The following EPHA6 variants were observed in gnomAD, a reference collection of about 807,000 sequenced individuals.
EPHA6 encodes EPH receptor A6.
Under a neutral mutation model 112.0 loss-of-function variants are expected in EPHA6, and 50 were observed. The observed-to-expected ratio is 0.45, with a 90% CI of 0.36 to 0.56. The LOEUF is 0.56. EPHA6 is among the 20% of genes least tolerant of loss of function. The pLI, the probability that EPHA6 is intolerant of heterozygous loss-of-function variation, is 0.00. For synonymous variants in EPHA6, 529 were observed against 490.7 expected (o/e 1.08, Z -1.03); for missense variants, 1,280 against 1,417.4 (o/e 0.90, Z 1.56).
At chr3:97,172,430 C>T (rs924933677) in intron 3 of EPHA6, among the ~76,000 whole-genome samples, 3 of 152,070 alleles carry the variant, frequency 2.0e-5, no homozygotes, top group African/African-American at 7.2e-5. Flanking sequence ...TCCCTTGCAA[C>T]TATTTCAGGA....
intron 11 of EPHA6, 40 bp from the exon 12 acceptor site, chr3:97,592,572 A>T: frequency 1.2e-6 from 2 of 1,609,916 alleles, no homozygotes; most frequent in Non-Finnish European, 1.7e-6. Flanking sequence ...CTTTTCCATA[A>T]AGAAGACTTT....
chr3:97,083,277 A>G (rs1244929367), intron 3 of EPHA6, among the ~76,000 whole-genome samples: 1 of 152,026 alleles, frequency 6.6e-6, no homozygotes, highest in Non-Finnish European at 1.5e-5. Context: ...CATCATAAGT[A>G]TTTCACAAAA....
intron 5 of EPHA6, among the ~76,000 whole-genome samples, chr3:97,321,896 G>A (rs78160129): frequency 0.044 from 6,643 of 152,090 alleles, 483 homozygotes; most frequent in Admixed American, 0.2. Flanking sequence ...AAAAGGCGGA[G>A]CTCTTTATTC....
intron 2 of EPHA6, among the ~76,000 whole-genome samples, chr3:96,890,590 AT>A (rs1324407739): frequency 6.6e-6 from 1 of 152,206 alleles, no homozygotes; most frequent in Non-Finnish European, 1.5e-5. Context: ...CAAAATTGTT[AT>A]CATGAATATA....
chr3:97,479,479 C>G, intron 9 of EPHA6, 115 bp downstream of exon 9: 1 of 596,330 alleles, frequency 1.7e-6, no homozygotes, highest in Non-Finnish European at 2.6e-6. Context: ...CACTTCCAAC[C>G]TTTCAGCATT....
intron 6 of EPHA6, among the ~76,000 whole-genome samples, chr3:97,407,804 G>A (rs1462866841): frequency 1.3e-5 from 2 of 151,724 alleles, no homozygotes; most frequent in Non-Finnish European, 2.9e-5. Context: ...TATAATGAGG[G>A]AACTAAGACA....
intron 8 of EPHA6, among the ~76,000 whole-genome samples, 159 bp from the exon 9 acceptor site, chr3:97,479,135 T>TA (rs1211074782): frequency 3.9e-5 from 6 of 152,306 alleles, no homozygotes; most frequent in Admixed American, 2.0e-4. Flanking sequence ...TCAGTGTACA[T>TA]AAAAAACCTA....
At chr3:97,713,194 G>A (rs924853683) in intron 14 of EPHA6, among the ~76,000 whole-genome samples, 4 of 152,062 alleles carry the variant, frequency 2.6e-5, no homozygotes, top group African/African-American at 9.7e-5. Context: ...GCTCTAGAGA[G>A]CCCATGCCCT....
intron 16 of EPHA6, among the ~76,000 whole-genome samples, chr3:97,743,486 G>C (rs1318047280): frequency 6.6e-6 from 1 of 152,056 alleles, no homozygotes; most frequent in East Asian, 1.9e-4. Flanking sequence ...TCTACTAAAA[G>C]AATGTTGTTA....
In EPHA6 at chr3:97,480,239, T is replaced by A. The variant is rs532072399; in HGVS notation, c.2074+875T>A. On this transcript the variant is annotated intron_variant, in intron 9 of 17. Transcript: ENST00000389672. The stretch of plus-strand genomic sequence containing the variant: ...TTTCTTTCTTTTTATTTATTTATTT[T>A]TTTTAGTATTTATTGATCATTCTTG... 1.6e-4 allele frequency among the ~76,000 whole-genome samples: 24 copies of A among 152,100 alleles called. 1 individual carries two copies. In the South Asian group the frequency reaches 5.0e-3, roughly 32 times the overall value.
At chr3:97,651,592 C>T (rs1488568559) in intron 14 of EPHA6, among the ~76,000 whole-genome samples, 1 of 151,974 alleles carries the variant, frequency 6.6e-6, no homozygotes, top group African/African-American at 2.4e-5. Flanking sequence ...ATTTTCCGTA[C>T]AGTTTGATGA....
chr3:97,576,543 CTTAAG>C (rs1274861888), intron 11 of EPHA6, among the ~76,000 whole-genome samples: 1 of 152,110 alleles, frequency 6.6e-6, no homozygotes, highest in Non-Finnish European at 1.5e-5. Flanking sequence ...ATTTTTTGTC[CTTAAG>C]TTGTCTCAAG....
chr3:96,895,574 C>T (rs539175381), intron 2 of EPHA6, among the ~76,000 whole-genome samples: 206 of 152,316 alleles, frequency 1.4e-3, no homozygotes, highest in Admixed American at 2.7e-3. Context: ...CACTGACTCA[C>T]TCAGAGCAAC....
At chr3:97,690,756 C>T (rs1404496433) in intron 14 of EPHA6, among the ~76,000 whole-genome samples, 2 of 152,208 alleles carry the variant, frequency 1.3e-5, no homozygotes, top group Non-Finnish European at 2.9e-5. Context: ...GTGTGAGCCA[C>T]CATGCCCAGC....
At chr3:97,377,825 C>CA (rs1385513003) in intron 5 of EPHA6, among the ~76,000 whole-genome samples, 4 of 152,122 alleles carry the variant, frequency 2.6e-5, no homozygotes, top group Admixed American at 2.6e-4. Context: ...TTCTAAGCAC[C>CA]AAAGCTTTCA....
At chr3:97,499,535 C>T (rs1262610861) in intron 10 of EPHA6, among the ~76,000 whole-genome samples, 1 of 152,124 alleles carries the variant, frequency 6.6e-6, no homozygotes, top group Admixed American at 6.6e-5. Flanking sequence ...GTACAAACAT[C>T]ATAGAGTGCA....
intron 5 of EPHA6, among the ~76,000 whole-genome samples, chr3:97,313,333 A>G (rs2081648520): frequency 6.6e-6 from 1 of 151,522 alleles, no homozygotes; most frequent in Non-Finnish European, 1.5e-5. Flanking sequence ...GTTATTATGA[A>G]TAATGCTGAA....
Position 96,987,945 on chromosome 3 carries a change from A to G in EPHA6, c.1066A>G (p.Arg356Gly). The change falls in exon 3 of 18, where the codon AGG becomes GGG. Residue 356 changes from arginine to glycine, a missense_variant. Arg to Gly is a moderately radical substitution (Grantham distance 125). Coordinates refer to ENST00000389672, the MANE Select transcript of EPHA6 (RefSeq NM_001080448.3). ...ADGDWLVPLG[R>G]CICSTGYEEI... ...TGGAGATTGGCTGGTTCCTCTTGGA[A>G]GGTGCATCTGCAGTACAGGATATGA... 1 of 1,613,692 alleles carries G rather than the reference A, an allele frequency of 6.2e-7. No individual in the cohort carries two copies. Among genetic ancestry groups the G allele is most frequent in the Non-Finnish European group, 8.5e-7 (1 of 1,179,706 alleles).
intron 16 of EPHA6, among the ~76,000 whole-genome samples, chr3:97,742,026 A>G (rs2035526644): frequency 6.6e-6 from 1 of 152,192 alleles, no homozygotes; most frequent in Admixed American, 6.6e-5. Flanking sequence ...AAGTAGTAAT[A>G]GCAACAATAT....
Sources: allele counts gnomAD v4.1 joint callset (sites outside exome capture counted in the v4.1 genomes callset), GRCh38; gene constraint gnomAD v4.1.1; transcripts MANE v1.5; gene names NCBI Gene and HGNC (gene_info 2026-07-23, HGNC 2026-07-21).